The following LIMS2 variants were observed in gnomAD, a reference collection of about 807,000 sequenced individuals.
The protein encoded by LIMS2 is LIM and senescent cell antigen-like-containing domain protein 2.
Under a neutral mutation model 45.3 loss-of-function variants are expected in LIMS2, and 30 were observed. The ratio of observed to expected loss-of-function variants is 0.66; its 90% CI spans 0.50 to 0.90. The LOEUF is 0.90. Ranked by LOEUF, LIMS2 falls within the 40% of genes least tolerant of loss-of-function variation. The pLI, the probability that LIMS2 is intolerant of heterozygous loss-of-function variation, is 0.00. For missense variants in LIMS2, 485 were observed against 468.7 expected, an observed-to-expected ratio of 1.03 and a Z score of -0.32; for synonymous variants, 173 against 188.0, an observed-to-expected ratio of 0.92 and a Z score of 0.65.
chr2:127,659,121 G>T (rs1684453070), intron 1 of LIMS2, among the ~76,000 whole-genome samples: 1 of 152,180 alleles, frequency 6.6e-6, no homozygotes, highest in Admixed American at 6.5e-5. Context: ...GGAGGCTGCT[G>T]CGAAATGGAG....
intron 1 of LIMS2, among the ~76,000 whole-genome samples, chr2:127,673,347 T>G: frequency 6.6e-6 from 1 of 152,172 alleles, no homozygotes; most frequent in Middle Eastern, 3.2e-3. Flanking sequence ...ACGAGTAGTA[T>G]TGCCTGGACG....
In LIMS2 at chr2:127,657,560, T is replaced by C. The variant is rs772186673; in HGVS notation, c.14A>G (p.Asn5Ser). The C allele has an allele frequency of 1.1e-5, 17 of 1,596,676 alleles. No homozygotes were observed. Among genetic ancestry groups the C allele is most frequent in the Middle Eastern group, 1.7e-4 (1 of 5,880 alleles). MTGS[N>S]MSDALANAVC... Reference sequence around the variant, plus strand: ...GGCGTTGGCCAAGGCGTCCGACATATTGCTGGGGGCAGGAGACAGGAGGAG... The same window carrying C: ...GGCGTTGGCCAAGGCGTCCGACATACTGCTGGGGGCAGGAGACAGGAGGAG... The change falls in exon 2 of 10, where the codon AAT becomes AGT. Residue 5 changes from asparagine to serine, a missense_variant and splice_region_variant. By Grantham distance (46) the Asn-to-Ser change is conservative. Coordinates refer to ENST00000355119, the MANE Select transcript of LIMS2 (RefSeq NM_001161403.3).
At chr2:127,660,765 A>G (rs1684584692) in intron 1 of LIMS2, among the ~76,000 whole-genome samples, 1 of 152,250 alleles carries the variant, frequency 6.6e-6, no homozygotes, top group East Asian at 1.9e-4. Context: ...TCAACCTGAC[A>G]GCAGCCTGGC....
At chr2:127,651,763 G>C (rs35201354) in intron 4 of LIMS2, 194,468 of 1,608,636 alleles carry the variant, frequency 0.12, 13,405 homozygotes, top group South Asian at 0.27. Context: ...TGAGCGGGGG[G>C]CGCCGTCCAG....
chr2:127,657,336 C>A, intron 2 of LIMS2, 67 bp downstream of exon 2: 1 of 1,592,164 alleles, frequency 6.3e-7, no homozygotes. Context: ...GCATGGAGCC[C>A]GGCCCACCCG....
At chr2:127,649,175 G>GGAAGGAAAGAAGGAAGGAAGGAAGGAAA (rs1247295807) in intron 4 of LIMS2, among the ~76,000 whole-genome samples, 15 of 111,598 alleles carry the variant, frequency 1.3e-4, no homozygotes, top group African/African-American at 8.2e-4. Flanking sequence ...TAGGAAGGAA[G>GGAAGGAAAGAAGGAAGGAAGGAAGGAAA]GAAGGAAGGA....
At chr2:127,639,990 G>A (rs1682240726) in intron 9 of LIMS2, 80 bp downstream of exon 9, 6 of 1,419,326 alleles carry the variant, frequency 4.2e-6, no homozygotes, top group African/African-American at 2.8e-5. Context: ...CTCAGCTGGT[G>A]TGCAGGAGGG....
At chr2:127,673,234 G>C (rs1421138796) in intron 1 of LIMS2, among the ~76,000 whole-genome samples, 1 of 152,198 alleles carries the variant, frequency 6.6e-6, no homozygotes, top group Non-Finnish European at 1.5e-5. Flanking sequence ...GGGAGCCACC[G>C]AACTGCATAA....
intron 1 of LIMS2, among the ~76,000 whole-genome samples, chr2:127,665,506 A>G (rs1237703327): frequency 6.6e-6 from 1 of 152,202 alleles, no homozygotes; most frequent in Non-Finnish European, 1.5e-5. Context: ...GTACAGTATA[A>G]TTTGTAAATG....
At position 127,639,208 on chromosome 2, in the gene LIMS2, AC is replaced by A; in HGVS notation, c.*72del. On this transcript the variant is annotated 3_prime_UTR_variant, in exon 10 of 10. Transcript: ENST00000355119. ...ATGCGGAGGGCACAGGTGGATGGGG[AC>A]GAGGGGGCCAAGCATGGACAGCAGG... The A allele has an allele frequency of 6.5e-7, 1 of 1,527,696 alleles. No individual in the cohort carries two copies. The highest frequency in any genetic ancestry group is 8.9e-7 in the Non-Finnish European group (1 of 1,117,620). The allele number at this position is 1,527,696 out of a possible 1,614,324, so 94.6% of individuals were successfully genotyped here. A position where few individuals can be genotyped will look rare whatever the true frequency, so the allele number is the denominator to read the frequency against.
intron 4 of LIMS2, among the ~76,000 whole-genome samples, chr2:127,654,205 C>T (rs1463268133): frequency 6.6e-6 from 1 of 152,064 alleles, no homozygotes; most frequent in Non-Finnish European, 1.5e-5. Context: ...TCATGGCTCC[C>T]GAGAGGCTGC....
chr2:127,650,879 C>T, intron 4 of LIMS2: 5 of 1,614,132 alleles, frequency 3.1e-6, no homozygotes, highest in Non-Finnish European at 4.2e-6. Context: ...CTTTAGTTGG[C>T]AATACCCTGG....
At chr2:127,674,216 T>A (rs543810928) in intron 1 of LIMS2, 4 of 159,224 alleles carry the variant, frequency 2.5e-5, no homozygotes, top group Admixed American at 2.4e-4. Flanking sequence ...GGTCATGGGA[T>A]CCTGAAGAAC....
chr2:127,641,105 T>C, intron 6 of LIMS2, 117 bp from the exon 7 acceptor site: 1 of 749,682 alleles, frequency 1.3e-6, no homozygotes, highest in Non-Finnish European at 2.3e-6. Context: ...GGGACCACAG[T>C]GGCCCCAGGA....
intron 1 of LIMS2, among the ~76,000 whole-genome samples, chr2:127,659,961 G>T (rs544630434): frequency 6.6e-6 from 1 of 152,288 alleles, no homozygotes; most frequent in Admixed American, 6.5e-5. Flanking sequence ...CTCCTGCCCT[G>T]CTAGCCCAGC....
intron 4 of LIMS2, chr2:127,650,649 G>A: frequency 8.8e-7 from 1 of 1,138,744 alleles, no homozygotes; most frequent in Non-Finnish European, 1.3e-6. Flanking sequence ...CTGACTTCTG[G>A]ACTTCAGAGA....
upstream of LIMS2, among the ~76,000 whole-genome samples, chr2:127,676,252 T>C (rs1685495871): frequency 6.6e-6 from 1 of 152,162 alleles, no homozygotes; most frequent in African/African-American, 2.4e-5. Flanking sequence ...AAAGATGATC[T>C]AGAAATGACG....
At chr2:127,681,623 G>C (rs374487766) in exon 1 of LIMS2, 1 of 152,254 alleles carries the variant, frequency 6.6e-6, no homozygotes. Context: ...GTGCTGCTCC[G>C]GGCCCAGAGC....
At chr2:127,666,131 C>A (rs113066428) in intron 1 of LIMS2, among the ~76,000 whole-genome samples, 4 of 152,072 alleles carry the variant, frequency 2.6e-5, no homozygotes, top group Non-Finnish European at 5.9e-5. Context: ...GAACTCTATA[C>A]AAAGTATTAT....
Sources: gnomAD v4.1 joint callset for allele counts (sites outside exome capture counted in the v4.1 genomes callset) on GRCh38, gnomAD v4.1.1 for gene constraint, MANE v1.5 for transcripts, NCBI Gene and HGNC (gene_info 2026-07-23, HGNC 2026-07-21) for gene names.